Variants in CPLANE1 observed in about 807,000 individuals in gnomAD.
CPLANE1 encodes ciliogenesis and planar polarity effector 1.
In CPLANE1, 263 loss-of-function variants were observed where a neutral mutation model predicts 362.5. The observed-to-expected ratio is 0.73, with a 90% CI of 0.66 to 0.80. The LOEUF (loss-of-function observed/expected upper bound fraction) is 0.80, where lower values mean the gene tolerates loss of function less well. CPLANE1 is among the 30% of genes least tolerant of loss of function. CPLANE1 has a pLI of 0.00. For synonymous variants in CPLANE1, 1,212 were observed against 1,302.6 expected (o/e 0.93, Z 1.50); for missense variants, 3,461 against 3,793.4 (o/e 0.91, Z 2.30).
chr5:37,235,410 T>C (rs1798740345), intron 8 of CPLANE1, among the ~76,000 whole-genome samples: 1 of 152,046 alleles, frequency 6.6e-6, no homozygotes, highest in Admixed American at 6.6e-5. Context: ...GCCAATATCA[T>C]TAAAATGAAC....
At chr5:37,091,689 T>G in the CPLANE1 span, among the ~76,000 whole-genome samples, 2 of 152,246 alleles carry the variant, frequency 1.3e-5, no homozygotes, top group Non-Finnish European at 2.9e-5. Flanking sequence ...TATGGAAAGA[T>G]GTAAACAGTA....
In CPLANE1 at chr5:37,110,756, C is replaced by T. The variant is rs1758948269; in HGVS notation, c.9401-2285G>A. Among the ~76,000 whole-genome samples, 3 of 151,172 alleles carry T rather than the reference C, an allele frequency of 2.0e-5. No individual in the cohort carries two copies. The South Asian group carries it at 6.3e-4, about 32-fold the overall frequency. ...GCTTAGAGAGGTTATGTAATTGGCC[C>T]AAGATGATGGAGATGATCCACCCCA... On this transcript the variant is annotated intron_variant, in intron 51 of 52. Transcript: ENST00000651892.
intron 23 of CPLANE1, 43 bp downstream of exon 23, chr5:37,187,371 C>G: frequency 6.7e-7 from 1 of 1,484,864 alleles, no homozygotes; most frequent in Non-Finnish European, 9.1e-7. Flanking sequence ...CTTTTAAAGT[C>G]TCTGATTCTG....
chr5:37,162,647 A>T (rs1777133275), intron 37 of CPLANE1, 81 bp from the exon 38 acceptor site: 1 of 908,812 alleles, frequency 1.1e-6, no homozygotes. Flanking sequence ...TACCTAACTC[A>T]ATGGAAGTAA....
chr5:37,139,163 A>G (rs1768837870), intron 45 of CPLANE1, among the ~76,000 whole-genome samples, 177 bp downstream of exon 45: 1 of 152,196 alleles, frequency 6.6e-6, no homozygotes, highest in African/African-American at 2.4e-5. Context: ...GTGCTAAAAC[A>G]GTAAGAGATA....
intron 19 of CPLANE1, among the ~76,000 whole-genome samples, chr5:37,199,202 G>A (rs1231030125): frequency 6.6e-6 from 1 of 151,650 alleles, no homozygotes; most frequent in East Asian, 1.9e-4. Context: ...CACGGGCTCT[G>A]AGATTTCAAC....
chr5:37,135,519 C>T (rs530583838), intron 46 of CPLANE1, among the ~76,000 whole-genome samples: 4 of 152,144 alleles, frequency 2.6e-5, no homozygotes, highest in African/African-American at 9.6e-5. Flanking sequence ...GAGTGCCCAG[C>T]AAAAGGGGAA....
At position 37,182,819 on chromosome 5, in the gene CPLANE1, A is replaced by G. The variant is rs2151144805; in HGVS notation, c.5362T>C (p.Leu1788=). 2 of 1,613,766 alleles carry G rather than the reference A, an allele frequency of 1.2e-6. No homozygotes were observed. The highest frequency in any genetic ancestry group is 8.5e-7 in the Non-Finnish European group (1 of 1,179,898). The part of the protein sequence containing the change: ...KTSTAAILTS[L]WLLEQPYFAT... ...AAATAGGGTTGTTCCAAAAGCCATA[A>G]TGATGTAAGAATGGCAGCTGTAGAG... Residue 1788 remains leucine (L), a synonymous_variant, in exon 26 of 53, where the codon TTA becomes CTA. Transcript: ENST00000651892.
Position 37,107,638 on chromosome 5 carries a change from G to A in CPLANE1, c.9720C>T (p.Asp3240=). The change falls in exon 53 of 53, where the codon GAC becomes GAT. Residue 3240 remains aspartate, a synonymous_variant. Coordinates refer to ENST00000651892, the MANE Select transcript of CPLANE1 (RefSeq NM_001384732.1). ...GGGCCCAGTGGACAGACAGGCCCTG[G>A]TCCTCCACGCTGGCCACCATGTCTT... The part of the protein sequence containing the change: ...AIEDMVASVE[D]QGLSVHWALD... 6.2e-7 allele frequency: 1 copy of A among 1,611,116 alleles called. No individual in the cohort carries two copies. Among genetic ancestry groups the A allele is most frequent in the Non-Finnish European group, 8.5e-7 (1 of 1,179,390 alleles).
intron 48 of CPLANE1, among the ~76,000 whole-genome samples, chr5:37,122,228 T>C (rs1762869168): frequency 6.6e-6 from 1 of 152,174 alleles, no homozygotes; most frequent in South Asian, 2.1e-4. Flanking sequence ...TCATAAAAAC[T>C]GAATGAAACA....
chr5:37,170,182 T>C lies in CPLANE1; in HGVS notation c.6321A>G (p.Glu2107=), dbSNP rs1779381893. ...ESNLRGCGDV[E]DSNKNLKERF... Reference sequence around the variant, plus strand: ...TCTCCTTAAGATTTTTGTTGCTGTCTTCAACATCACCACATCCTCTTAGGT... The same window carrying C: ...TCTCCTTAAGATTTTTGTTGCTGTCCTCAACATCACCACATCCTCTTAGGT... Residue 2107 remains glutamate (E), a synonymous_variant, in exon 33 of 53, where the codon GAA becomes GAG. Coordinates refer to ENST00000651892, the MANE Select transcript of CPLANE1 (RefSeq NM_001384732.1). 7.4e-6 allele frequency: 12 copies of C among 1,614,208 alleles called. No homozygotes were observed. Among genetic ancestry groups the C allele is most frequent in the African/African-American group, 1.3e-5 (1 of 75,048 alleles).
intron 49 of CPLANE1, 24 bp from the exon 50 acceptor site, chr5:37,120,364 T>C: frequency 2.0e-6 from 3 of 1,537,372 alleles, no homozygotes; most frequent in Non-Finnish European, 2.6e-6. Context: ...CACATAATTA[T>C]TACATTCCCA....
At chr5:37,243,833 G>A (rs1400053133) in intron 5 of CPLANE1, among the ~76,000 whole-genome samples, 2 of 143,228 alleles carry the variant, frequency 1.4e-5, no homozygotes, top group Non-Finnish European at 3.0e-5. Context: ...TATTATATAC[G>A]TGTATATATA....
At chr5:37,247,114 G>A (rs538277700) in intron 2 of CPLANE1, among the ~76,000 whole-genome samples, 119 of 152,250 alleles carry the variant, frequency 7.8e-4, no homozygotes, top group African/African-American at 2.7e-3. Context: ...CACAAATAAA[G>A]TAGGGTTGCC....
chr5:37,236,564 G>A (rs982045877), intron 8 of CPLANE1, among the ~76,000 whole-genome samples: 1 of 152,008 alleles, frequency 6.6e-6, no homozygotes, highest in South Asian at 2.1e-4. Context: ...AACAAAAACA[G>A]ACAAATGAGA....
At chr5:37,211,682 G>A (rs747589) in intron 16 of CPLANE1, 32 of 785,060 alleles carry the variant, frequency 4.1e-5, no homozygotes, top group African/African-American at 2.5e-4. Flanking sequence ...GAATGCCCCC[G>A]CCATCACCCG....
chr5:37,097,531 C>T, the CPLANE1 span, among the ~76,000 whole-genome samples: 1 of 152,116 alleles, frequency 6.6e-6, no homozygotes, highest in Non-Finnish European at 1.5e-5. Flanking sequence ...CAGACACCCA[C>T]AAATAGATAA....
intron 6 of CPLANE1, 32 bp downstream of exon 6, chr5:37,242,981 T>C: frequency 1.4e-6 from 2 of 1,441,488 alleles, no homozygotes; most frequent in East Asian, 2.5e-5. Context: ...AAAAAATCAG[T>C]AAGAAAAGGA....
chr5:37,099,551 C>T, the CPLANE1 span, among the ~76,000 whole-genome samples: 1 of 152,114 alleles, frequency 6.6e-6, no homozygotes, highest in African/African-American at 2.4e-5. Flanking sequence ...CATTGATGGG[C>T]ATTTGGGTTG....
Sources: allele counts gnomAD v4.1 joint callset (sites outside exome capture counted in the v4.1 genomes callset), GRCh38; gene constraint gnomAD v4.1.1; transcripts MANE v1.5; gene names NCBI Gene and HGNC (gene_info 2026-07-23, HGNC 2026-07-21).